Variants in RAVER1 observed in about 807,000 individuals in gnomAD.
RAVER1 encodes the protein ribonucleoprotein, PTB binding 1.
Under a neutral mutation model 68.4 loss-of-function variants are expected in RAVER1, and 36 were observed. That is an observed-to-expected ratio of 0.53 (90% CI 0.40 to 0.70). The LOEUF is 0.70. Among genes scored for constraint, RAVER1 ranks in the 30% least tolerant of loss-of-function variants. The pLI is 0.00. For synonymous variants in RAVER1, 469 were observed against 472.7 expected, an observed-to-expected ratio of 0.99 and a Z score of 0.10; for missense variants, 933 against 1,019.8, an observed-to-expected ratio of 0.91 and a Z score of 1.16.
Position 10,328,549 on chromosome 19 carries a change from C to CAAA in RAVER1, c.756+90_756+92dup. The CAAA allele has an allele frequency of 4.3e-5, 31 of 725,080 alleles. No individual in the cohort carries two copies. The highest frequency in any genetic ancestry group is 6.1e-5 in the Non-Finnish European group (29 of 472,820). 44.9% of individuals were successfully genotyped at this position (725,080 alleles called of 1,614,324 possible). A position where few individuals can be genotyped will look rare whatever the true frequency, so the allele number is the denominator to read the frequency against. ...CATGGGTGACAAAGTGAGACTGTCT[C>CAAA]AAAAAAAAAAAAGAAAAGGCAGATG... On this transcript the variant is annotated intron_variant, in intron 3 of 12. Coordinates refer to ENST00000617231, the MANE Select transcript of RAVER1 (RefSeq NM_133452.3). The surrounding 1 kb of genome is among the most constrained non-coding windows in gnomAD (Gnocchi z 4.4).
chr19:10,327,531 G>C (rs918046317), intron 3 of RAVER1, among the ~76,000 whole-genome samples: 5 of 152,174 alleles, frequency 3.3e-5, no homozygotes, highest in African/African-American at 1.2e-4. Flanking sequence ...AGGGTTACAG[G>C]TGTGAGTCAC....
chr19:10,322,334 G>A lies in RAVER1; in HGVS notation c.1173+311C>T, dbSNP rs2040443979. The A allele has an allele frequency of 7.8e-6, 3 of 385,254 alleles. No individual in the cohort carries two copies. Among genetic ancestry groups the A allele is most frequent in the East Asian group, 5.1e-5 (1 of 19,576 alleles). 23.9% of individuals were successfully genotyped at this position (385,254 alleles called of 1,614,324 possible). A position where few individuals can be genotyped will look rare whatever the true frequency, so the allele number is the denominator to read the frequency against. On this transcript the variant is annotated intron_variant, in intron 6 of 12. Transcript: ENST00000617231. The surrounding 1 kb of genome is among the most constrained non-coding windows in gnomAD (Gnocchi z 4.3). ...TCTATTCACAAACTGGTGCCCAGCA[G>A]CGGCGCTCCCAGCCCACACCCAGTT...
chr19:10,319,112 C>A (rs771797418), intron 10 of RAVER1, 54 bp downstream of exon 10: 2 of 1,516,068 alleles, frequency 1.3e-6, no homozygotes, highest in Non-Finnish European at 1.8e-6. Flanking sequence ...CATGGCACAG[C>A]CTGTCATGTA....
rs2040498716 is a variant in RAVER1, at chr19:10,329,483, T to C, written c.287-372A>G. Among the ~76,000 whole-genome samples the C allele has an allele frequency of 6.6e-6, 1 of 152,162 alleles. No individual in the cohort carries two copies. Among genetic ancestry groups the C allele is most frequent in the Non-Finnish European group, 1.5e-5 (1 of 68,014 alleles). On this transcript the variant is annotated intron_variant, in intron 2 of 12. Coordinates refer to ENST00000617231, the MANE Select transcript of RAVER1 (RefSeq NM_133452.3). This position sits in a 1 kb window ranked among gnomAD's most constrained non-coding sequence, Gnocchi z 4.6. ...CCCAGGTGGCTTTGGGGGTATCAGTTTCCTCATCTCTCAAATGGATATAAC... is the reference window on the plus strand; with the variant it reads ...CCCAGGTGGCTTTGGGGGTATCAGTCTCCTCATCTCTCAAATGGATATAAC...
intron 1 of RAVER1, among the ~76,000 whole-genome samples, chr19:10,331,770 C>G (rs575751232): frequency 6.6e-6 from 1 of 151,020 alleles, no homozygotes; most frequent in African/African-American, 2.4e-5. Context: ...TTCACTGTTT[C>G]CAACAACTCT....
chr19:10,331,364 A>AT (rs2040515430), intron 1 of RAVER1, among the ~76,000 whole-genome samples: 4 of 124,180 alleles, frequency 3.2e-5, no homozygotes, highest in Non-Finnish European at 6.7e-5. Flanking sequence ...CTCAAAAAAA[A>AT]AAAAAAAAAA....
intron 7 of RAVER1, 106 bp from the exon 8 acceptor site, chr19:10,321,365 C>T (rs996373094): frequency 2.5e-6 from 2 of 793,852 alleles, no homozygotes; most frequent in Non-Finnish European, 3.5e-6. Flanking sequence ...GAGACAAATC[C>T]ATGCTGGCCA....
chr19:10,320,730 C>G lies in RAVER1; in HGVS notation c.1695G>C (p.Leu565=). The G allele has an allele frequency of 6.5e-7, 1 of 1,531,646 alleles. No individual in the cohort carries two copies. The highest frequency in any genetic ancestry group is 1.2e-5 in the South Asian group (1 of 80,452). 94.9% of individuals were successfully genotyped at this position (1,531,646 alleles called of 1,614,324 possible). The part of the protein sequence containing the change: ...SSKAFQLKSR[L]LSPLSSARLP... ...GGCGGGCGCTGCTGAGGGGGCTGAG[C>G]AGGCGGGACTTGAGCTGGAAGGCTT... Residue 565 remains leucine (L), a synonymous_variant, in exon 9 of 13, where the codon CTG becomes CTC. Transcript: ENST00000617231.
In RAVER1 at chr19:10,329,033, T is replaced by A. The variant is rs1235202837; in HGVS notation, c.365A>T (p.Glu122Val). ...CGTGGGCTGCAGCTGCACCGACAGT[T>A]CACGCTCCCGCAGGCGGCTCTGGTG... ...AFHQSRLRER[E>V]LSVQLQPTDA... Residue 122 changes from glutamate to valine, a missense_variant, in exon 3 of 13, where the codon GAA (glutamate) becomes GTA (valine). By Grantham distance (121) the Glu-to-Val change is moderately radical. Transcript: ENST00000617231. This position sits in a 1 kb window ranked among gnomAD's most constrained non-coding sequence, Gnocchi z 4.6. 16 of 1,551,618 alleles carry A rather than the reference T, an allele frequency of 1.0e-5. No homozygotes were observed. Among genetic ancestry groups the A allele is most frequent in the Non-Finnish European group, 1.3e-5 (15 of 1,146,640 alleles).
At chr19:10,326,076 C>T (rs1160427622) in intron 3 of RAVER1, among the ~76,000 whole-genome samples, 2 of 151,830 alleles carry the variant, frequency 1.3e-5, no homozygotes, top group East Asian at 3.9e-4. Flanking sequence ...GCCAACACGG[C>T]GAAACCCCAT....
At chr19:10,327,115 AGGCTAG>A (rs1347905952) in intron 3 of RAVER1, among the ~76,000 whole-genome samples, 1 of 151,988 alleles carries the variant, frequency 6.6e-6, no homozygotes, top group Non-Finnish European at 1.5e-5. Context: ...TATCTTGCCC[AGGCTAG>A]TCTTGAACTC....
chr19:10,317,887 C>G lies in RAVER1; in HGVS notation c.1990-114G>C. 2.9e-6 allele frequency: 2 copies of G among 678,844 alleles called. No homozygotes were observed. The highest frequency in any genetic ancestry group is 5.2e-6 in the Non-Finnish European group (2 of 383,832). 42.1% of individuals were successfully genotyped at this position (678,844 alleles called of 1,614,324 possible). A position where few individuals can be genotyped will look rare whatever the true frequency, so the allele number is the denominator to read the frequency against. ...GAGGGAAAGCGAACAGTTTCAGGTTCAAATCTTGCTTCTGCTACTTTCTAG... is the reference window on the plus strand; with the variant it reads ...GAGGGAAAGCGAACAGTTTCAGGTTGAAATCTTGCTTCTGCTACTTTCTAG... On this transcript the variant is annotated intron_variant, in intron 11 of 12. Transcript: ENST00000617231. This position sits in a 1 kb window ranked among gnomAD's most constrained non-coding sequence, Gnocchi z 4.3.
Position 10,329,180 on chromosome 19 carries a change from T to C in RAVER1, c.287-69A>G, listed in dbSNP as rs1002138147. On this transcript the variant is annotated intron_variant, in intron 2 of 12. Coordinates refer to ENST00000617231, the MANE Select transcript of RAVER1 (RefSeq NM_133452.3). The surrounding 1 kb of genome is among the most constrained non-coding windows in gnomAD (Gnocchi z 4.6). Reference sequence around the variant, plus strand: ...GGCCTGCCCCTCCACCCCGCCACCCTGCAAACCAGGTGGGACCTCCAAATG... The same window carrying C: ...GGCCTGCCCCTCCACCCCGCCACCCCGCAAACCAGGTGGGACCTCCAAATG... 1.4e-5 allele frequency: 14 copies of C among 997,630 alleles called. No homozygotes were observed. The highest frequency in any genetic ancestry group is 2.0e-5 in the Non-Finnish European group (14 of 689,862). 61.8% of individuals were successfully genotyped at this position (997,630 alleles called of 1,614,324 possible). A position where few individuals can be genotyped will look rare whatever the true frequency, so the allele number is the denominator to read the frequency against.
At position 10,316,605 on chromosome 19, in the gene RAVER1, T is replaced by C; in HGVS notation, c.*849A>G. On this transcript the variant is annotated 3_prime_UTR_variant, in exon 13 of 13. Transcript: ENST00000617231. ...AGGGGACTGGCAGAGAAAGCCCATC[T>C]CTGCACGGAGGCCCGGGTAGGAGGG... The C allele has an allele frequency of 1.0e-6, 1 of 986,156 alleles. No individual in the cohort carries two copies. The highest frequency in any genetic ancestry group is 1.2e-6 in the Non-Finnish European group (1 of 829,932). The allele number at this position is 986,156 out of a possible 1,614,324, so 61.1% of individuals were successfully genotyped here.
chr19:10,325,638 G>A (rs1023145911), intron 3 of RAVER1, among the ~76,000 whole-genome samples: 1 of 152,058 alleles, frequency 6.6e-6, no homozygotes, highest in Non-Finnish European at 1.5e-5. Flanking sequence ...CACTGTGCCC[G>A]GCCTCTACAT....
At chr19:10,325,293 T>G (rs960474158) in intron 3 of RAVER1, among the ~76,000 whole-genome samples, 6 of 152,156 alleles carry the variant, frequency 3.9e-5, no homozygotes, top group Admixed American at 6.6e-5. Context: ...AGTGGGATCT[T>G]GGCTCACCAC....
rs1256582021 is a variant in RAVER1 at position 10,321,553 on chromosome 19, G to A, written c.1239C>T (p.Pro413=). 7.3e-7 allele frequency: 1 copy of A among 1,367,950 alleles called. No individual in the cohort carries two copies. 84.7% of individuals were successfully genotyped at this position (1,367,950 alleles called of 1,614,324 possible). A position where few individuals can be genotyped will look rare whatever the true frequency, so the allele number is the denominator to read the frequency against. ...TACCTGCAGGCAGCTCCCCGAGGAGGGGGTTGGCTGGCTGGGCCCCAGGCT... is the reference window on the plus strand; with the variant it reads ...TACCTGCAGGCAGCTCCCCGAGGAGAGGGTTGGCTGGCTGGGCCCCAGGCT... ...ALQPGAQPAN[P]LLGELPAGGG... The change falls in exon 7 of 13, where the codon CCC becomes CCT. Residue 413 remains proline, a synonymous_variant. Transcript: ENST00000617231.
chr19:10,319,144 T>C (rs1336596888), intron 10 of RAVER1, 22 bp downstream of exon 10: 1 of 1,611,468 alleles, frequency 6.2e-7, no homozygotes, highest in Admixed American at 1.7e-5. Flanking sequence ...TTGCTACACA[T>C]GCCATACCAG....
chr19:10,327,863 T>G (rs1192848260), intron 3 of RAVER1, among the ~76,000 whole-genome samples: 4 of 152,058 alleles, frequency 2.6e-5, no homozygotes, highest in Non-Finnish European at 5.9e-5. Flanking sequence ...GTCTGGCCTG[T>G]TCTCGCCCCA....
Sources: allele counts gnomAD v4.1 joint callset (sites outside exome capture counted in the v4.1 genomes callset), GRCh38; gene constraint gnomAD v4.1.1; non-coding constraint Gnocchi (gnomAD v3.1); transcripts MANE v1.5; gene names NCBI Gene and HGNC (gene_info 2026-07-23, HGNC 2026-07-21).